Variants in SORCS2 observed in about 807,000 individuals in gnomAD.
The protein encoded by SORCS2 is VPS10 domain-containing receptor SorCS2.
SORCS2 carries 100 observed loss-of-function variants against 141.6 expected under a neutral mutation model. The ratio of observed to expected loss-of-function variants is 0.71; its 90% CI spans 0.60 to 0.83. The LOEUF is 0.83. Ranked by LOEUF, SORCS2 falls within the 40% of genes least tolerant of loss-of-function variation. SORCS2 has a pLI of 0.00. For synonymous variants in SORCS2, 789 were observed against 676.9 expected (o/e 1.17, Z -2.57); for missense variants, 1,646 against 1,560.2 (o/e 1.05, Z -0.93).
chr4:7,558,300 A>G (rs952334631), intron 3 of SORCS2, among the ~76,000 whole-genome samples: 2 of 152,166 alleles, frequency 1.3e-5, no homozygotes, highest in African/African-American at 2.4e-5. Context: ...GAGCTGTCCT[A>G]TGCATCGTAG....
At chr4:7,653,965 C>T (rs930998269) in intron 4 of SORCS2, among the ~76,000 whole-genome samples, 169 bp from the exon 5 acceptor site, 37 of 152,316 alleles carry the variant, frequency 2.4e-4, no homozygotes, top group South Asian at 6.2e-4. Flanking sequence ...CTCCTGGAGG[C>T]GGTGGGGTTT....
At chr4:7,481,080 A>AGAG (rs1248886245) in intron 2 of SORCS2, among the ~76,000 whole-genome samples, 1 of 152,230 alleles carries the variant, frequency 6.6e-6, no homozygotes, top group Admixed American at 6.5e-5. Flanking sequence ...AGTAGCCCTA[A>AGAG]GAGGCATTCT....
intron 21 of SORCS2, among the ~76,000 whole-genome samples, chr4:7,727,779 G>T (rs1343793968): frequency 1.3e-5 from 2 of 152,216 alleles, no homozygotes; most frequent in Admixed American, 6.5e-5. Context: ...CTGAGAAGTG[G>T]AGAGGTTAAA....
rs77319730 is a variant in SORCS2 at position 7,289,394 on chromosome 4, T to C, written c.480+96268T>C. On this transcript the variant is annotated intron_variant, in intron 1 of 26. Coordinates refer to ENST00000507866, the MANE Select transcript of SORCS2 (RefSeq NM_020777.3). ...CATCACATATTAGTGTCTGGTCCCT[T>C]GCAGGCAAGGCCCGGCTGTCATCCC... 1.6e-4 allele frequency among the ~76,000 whole-genome samples: 25 copies of C among 152,318 alleles called. 2 individuals are homozygous for C. The East Asian group carries it at 4.8e-3, about 29-fold the overall frequency.
chr4:7,431,504 T>G (rs1486855319), intron 2 of SORCS2: 1 of 152,210 alleles, frequency 6.6e-6, no homozygotes, highest in Non-Finnish European at 1.5e-5. Flanking sequence ...AGAGAGTGTG[T>G]CAGGTGGGAA....
At chr4:7,228,345 T>C (rs548871552) in intron 1 of SORCS2, among the ~76,000 whole-genome samples, 1 of 152,248 alleles carries the variant, frequency 6.6e-6, no homozygotes, top group East Asian at 1.9e-4. Context: ...AACTAGGGCT[T>C]CAACAGGTGG....
At chr4:7,545,228 A>G (rs1370574488) in intron 3 of SORCS2, among the ~76,000 whole-genome samples, 1 of 151,980 alleles carries the variant, frequency 6.6e-6, no homozygotes, top group Non-Finnish European at 1.5e-5. Context: ...AGAGGAAGGG[A>G]CTCTGGAGTT....
chr4:7,192,754 C>CCTGCTGCTG lies in SORCS2; in HGVS notation c.121_129dup (p.Leu41_Leu43dup), dbSNP rs544508254. ...CGCGCTCGCCGCGCTCGCGGCCGCT[C>CCTGCTGCTG]CTGCTGCTGCTGCTGCTGCTGGGCG... On this transcript the variant is annotated inframe_insertion, in exon 1 of 27. Transcript: ENST00000507866. The surrounding 1 kb of genome is among the most constrained non-coding windows in gnomAD (Gnocchi z 4.0). 26 of 998,806 alleles carry CCTGCTGCTG rather than the reference C, an allele frequency of 2.6e-5. No homozygotes were observed. The highest frequency in any genetic ancestry group is 2.9e-5 in the Non-Finnish European group (24 of 840,848). 61.9% of individuals were successfully genotyped at this position (998,806 alleles called of 1,614,324 possible).
At position 7,249,599 on chromosome 4, in the gene SORCS2, T is replaced by G. The variant is rs905007; in HGVS notation, c.480+56473T>G. On this transcript the variant is annotated intron_variant, in intron 1 of 26. Coordinates refer to ENST00000507866, the MANE Select transcript of SORCS2 (RefSeq NM_020777.3). ...GGCGCCAGGTCCTTGTCTAGGGGCT[T>G]TTCTGTGTCACTTCATTCATGCCTC... is the stretch of plus-strand genomic sequence containing the variant. Among the ~76,000 whole-genome samples the G allele has an allele frequency of 7.5e-3, 1,143 of 152,230 alleles. 12 individuals carry two copies. The highest frequency in any genetic ancestry group is 0.026 in the African/African-American group (1,080 of 41,542).
chr4:7,514,700 T>C (rs1356850016), intron 2 of SORCS2, among the ~76,000 whole-genome samples: 3 of 152,076 alleles, frequency 2.0e-5, no homozygotes, highest in African/African-American at 7.2e-5. Context: ...GCAGTGATGT[T>C]GATGACACCA....
At chr4:7,222,093 C>G (rs952337022) in intron 1 of SORCS2, among the ~76,000 whole-genome samples, 1 of 152,104 alleles carries the variant, frequency 6.6e-6, no homozygotes, top group Non-Finnish European at 1.5e-5. Flanking sequence ...TTTGGGACCT[C>G]AGATGATGGA....
At chr4:7,230,191 C>G (rs1038797582) in intron 1 of SORCS2, among the ~76,000 whole-genome samples, 2 of 129,542 alleles carry the variant, frequency 1.5e-5, no homozygotes, top group African/African-American at 6.1e-5. Context: ...CTTTGAGTCT[C>G]TGGGCCGGAG....
chr4:7,609,026 G>A (rs768969048), intron 3 of SORCS2, among the ~76,000 whole-genome samples: 42 of 152,086 alleles, frequency 2.8e-4, no homozygotes, highest in Non-Finnish European at 7.4e-5. Context: ...ATGAGGTTCT[G>A]AGCGGTCCTG....
intron 2 of SORCS2, among the ~76,000 whole-genome samples, chr4:7,405,701 C>T (rs7700137): frequency 0.37 from 56,678 of 151,994 alleles, 10,947 homozygotes; most frequent in South Asian, 0.51. Context: ...TGGTATCCTG[C>T]AACTTTACTA....
chr4:7,689,893 G>A (rs1345254807), intron 11 of SORCS2, among the ~76,000 whole-genome samples: 1 of 141,716 alleles, frequency 7.1e-6, no homozygotes, highest in Non-Finnish European at 1.6e-5. Flanking sequence ...GATGGTGGAT[G>A]AATGATGGCT....
intron 1 of SORCS2, among the ~76,000 whole-genome samples, chr4:7,218,036 G>T (rs901216233): frequency 6.6e-6 from 1 of 152,086 alleles, no homozygotes; most frequent in Admixed American, 6.5e-5. Context: ...GCTGGCGGGG[G>T]GTGCTCTTCA....
intron 1 of SORCS2, among the ~76,000 whole-genome samples, chr4:7,217,919 G>T (rs1314978808): frequency 6.6e-6 from 1 of 152,234 alleles, no homozygotes; most frequent in Admixed American, 6.5e-5. Flanking sequence ...GGGGACAGCT[G>T]TGCTGGCCGG....
At chr4:7,580,438 A>G (rs1295860147) in intron 3 of SORCS2, among the ~76,000 whole-genome samples, 20 of 152,140 alleles carry the variant, frequency 1.3e-4, no homozygotes, top group Non-Finnish European at 1.5e-5. Context: ...TGCAAAGAGC[A>G]GAGATCATGC....
At chr4:7,371,250 A>T (rs901160989) in intron 1 of SORCS2, among the ~76,000 whole-genome samples, 1 of 152,104 alleles carries the variant, frequency 6.6e-6, no homozygotes. Context: ...GTCTGAGAGC[A>T]TCGGGCCCGT....
Sources: gnomAD v4.1 joint callset for allele counts (sites outside exome capture counted in the v4.1 genomes callset) on GRCh38, gnomAD v4.1.1 for gene constraint, Gnocchi (gnomAD v3.1) non-coding constraint, MANE v1.5 for transcripts, NCBI Gene and HGNC (gene_info 2026-07-23, HGNC 2026-07-21) for gene names.